FARP1: variants seen among roughly 807,000 people sequenced by gnomAD.
FARP1 encodes the protein FERM, ARH/RhoGEF and pleckstrin domain protein 1, also known as FERM, ARHGEF and pleckstrin domain-containing protein 1.
A neutral mutation model predicts 128.8 loss-of-function variants in FARP1; 52 were observed. That is an observed-to-expected ratio of 0.40 (90% CI 0.32 to 0.51). FARP1 has a LOEUF of 0.51. Ranked by LOEUF, FARP1 falls within the 20% of genes least tolerant of loss-of-function variation. FARP1 has a pLI of 0.45. For missense variants in FARP1, 1,333 were observed against 1,367.9 expected, an observed-to-expected ratio of 0.97 and a Z score of 0.40; for synonymous variants, 580 against 551.8, an observed-to-expected ratio of 1.05 and a Z score of -0.72.
In FARP1 at chr13:98,327,006, C is replaced by T. The variant is rs12872393; in HGVS notation, c.172-16756C>T. 6.8e-3 allele frequency among the ~76,000 whole-genome samples: 1,042 copies of T among 152,334 alleles called. 3 individuals carry two copies. Among genetic ancestry groups the T allele is most frequent in the Middle Eastern group, 0.017 (5 of 294 alleles). ...GCCAAATGCATTTAATGAGTACACG[C>T]AATTGGTAGAATACTGTCGCTCTGA... On this transcript the variant is annotated intron_variant, in intron 2 of 26. Coordinates refer to ENST00000319562, the MANE Select transcript of FARP1 (RefSeq NM_005766.4).
intron 3 of FARP1, among the ~76,000 whole-genome samples, chr13:98,353,425 C>T (rs1451495655): frequency 6.6e-6 from 1 of 152,192 alleles, no homozygotes; most frequent in Non-Finnish European, 1.5e-5. Flanking sequence ...GTTGCCCAGG[C>T]TGGAGTGGAA....
At chr13:98,156,204 ATTTGT>A (rs1454148087) in intron 1 of FARP1, among the ~76,000 whole-genome samples, 6 of 152,196 alleles carry the variant, frequency 3.9e-5, no homozygotes, top group Non-Finnish European at 7.3e-5. Flanking sequence ...GCCATTTGGA[ATTTGT>A]TTTGAGAATG....
At chr13:98,184,591 T>TA (rs1878737922) in intron 1 of FARP1, among the ~76,000 whole-genome samples, 1 of 152,150 alleles carries the variant, frequency 6.6e-6, no homozygotes, top group African/African-American at 2.4e-5. Context: ...GACTCTACAT[T>TA]AAAAAATATT....
rs180783969 is a variant in FARP1, at chr13:98,323,280, T to C, written c.172-20482T>C. ...AAATTTTAGATTTGTTGCCACAGTT[T>C]CATTAATATATTTAAGCAGGTGTGC... On this transcript the variant is annotated intron_variant, in intron 2 of 26. Transcript: ENST00000319562. 3.3e-3 allele frequency among the ~76,000 whole-genome samples: 499 copies of C among 152,272 alleles called. 5 individuals carry two copies. The South Asian group carries it at 0.033, about 10-fold the overall frequency.
At chr13:98,334,084 C>A (rs1887637171) in intron 2 of FARP1, 1 of 146,180 alleles carries the variant, frequency 6.8e-6, no homozygotes, top group African/African-American at 2.7e-5. Context: ...GTGGTTCAAT[C>A]TTTACGTCCA....
chr13:98,370,192 G>A (rs575356248), intron 5 of FARP1, among the ~76,000 whole-genome samples: 1 of 152,334 alleles, frequency 6.6e-6, no homozygotes, highest in East Asian at 1.9e-4. Flanking sequence ...CATTTACTGA[G>A]AGAGCTTTCT....
intron 5 of FARP1, among the ~76,000 whole-genome samples, chr13:98,369,593 C>T (rs993138184): frequency 2.6e-5 from 4 of 151,892 alleles, no homozygotes; most frequent in Non-Finnish European, 5.9e-5. Flanking sequence ...TCAGTTCACA[C>T]CTATGAGTGA....
At chr13:98,399,629 A>G (rs1374814786) in intron 13 of FARP1, 1 of 152,160 alleles carries the variant, frequency 6.6e-6, no homozygotes, top group Admixed American at 6.5e-5. Context: ...GACAATAGCT[A>G]GTGTAGGGGT....
At chr13:98,179,043 C>G (rs934725692) in intron 1 of FARP1, among the ~76,000 whole-genome samples, 2 of 152,108 alleles carry the variant, frequency 1.3e-5, no homozygotes, top group Non-Finnish European at 2.9e-5. Context: ...CTTGGAGACC[C>G]CCAGATGTTG....
At chr13:98,438,754 C>T in intron 19 of FARP1, 50 bp from the exon 20 acceptor site, 1 of 1,518,582 alleles carries the variant, frequency 6.6e-7, no homozygotes, top group South Asian at 1.1e-5. Context: ...GCCGTCAGCC[C>T]TTGGGGTCCG....
chr13:98,335,666 C>T (rs947181997), intron 2 of FARP1, among the ~76,000 whole-genome samples: 5 of 152,274 alleles, frequency 3.3e-5, no homozygotes, highest in South Asian at 2.1e-4. Context: ...GCAACTTGCT[C>T]GATAAATACA....
intron 1 of FARP1, among the ~76,000 whole-genome samples, chr13:98,196,807 G>A (rs935214985): frequency 1.7e-4 from 26 of 152,174 alleles, no homozygotes; most frequent in Non-Finnish European, 2.8e-4. Flanking sequence ...TTAATTAAAT[G>A]CCTTATCAAC....
chr13:98,291,528 G>C (rs1336462640), intron 2 of FARP1, among the ~76,000 whole-genome samples: 2 of 152,174 alleles, frequency 1.3e-5, no homozygotes, highest in African/African-American at 4.8e-5. Context: ...AAAATCATTC[G>C]TTCAGCAGAA....
chr13:98,280,706 A>G (rs1397849491), intron 2 of FARP1, among the ~76,000 whole-genome samples: 2 of 152,246 alleles, frequency 1.3e-5, no homozygotes. Context: ...AGAAAACTCA[A>G]CTGCCTGGAC....
chr13:98,341,646 A>AAAC lies in FARP1; in HGVS notation c.172-2101_172-2099dup, dbSNP rs532023650. ...AACTCCGTTTCAAAAAAACAAAAACAAACAACAACAACAACAAAAATAAGT... is the reference window on the plus strand; with the variant it reads ...AACTCCGTTTCAAAAAAACAAAAACAAACAACAACAACAACAACAAAAATAAGT... On this transcript the variant is annotated intron_variant, in intron 2 of 26. Coordinates refer to ENST00000319562, the MANE Select transcript of FARP1 (RefSeq NM_005766.4). Among the ~76,000 whole-genome samples, 171 of 152,264 alleles carry AAAC rather than the reference A, an allele frequency of 1.1e-3. 1 individual carries two copies. The highest frequency in any genetic ancestry group is 3.9e-3 in the African/African-American group (160 of 41,546).
intron 6 of FARP1, chr13:98,381,583 G>C (rs1889889304): frequency 6.6e-6 from 1 of 152,216 alleles, no homozygotes; most frequent in Non-Finnish European, 1.5e-5. Context: ...AGAAGAATCA[G>C]CTACTAGTTG....
Position 98,440,029 on chromosome 13 carries a change from C to T in FARP1, c.2502C>T (p.Ile834=), listed in dbSNP as rs751894019. Residue 834 remains isoleucine, a synonymous_variant, in exon 22 of 27, where the codon ATC becomes ATT. Coordinates refer to ENST00000319562, the MANE Select transcript of FARP1 (RefSeq NM_005766.4). ...CLTLRGQRQS[I]IVAASSRSEM... ...CCCTCCGGGGCCAGCGGCAGTCCAT[C>T]ATCGTGGCCGCCAGGTAACTCGGGA... 2.5e-6 allele frequency: 4 copies of T among 1,606,724 alleles called. No homozygotes were observed. The South Asian group carries it at 4.4e-5, about 18-fold the overall frequency.
intron 1 of FARP1, chr13:98,203,817 T>G (rs1880102329): frequency 1.3e-5 from 2 of 152,180 alleles, no homozygotes; most frequent in Admixed American, 1.3e-4. Context: ...ATGCCAAACT[T>G]ATGATTACAA....
intron 2 of FARP1, chr13:98,245,236 T>C (rs570063393): frequency 2.0e-6 from 2 of 985,476 alleles, no homozygotes; most frequent in Non-Finnish European, 2.4e-6. Context: ...GTGTAACTTT[T>C]TTATTCAAAG....
Sources: allele counts gnomAD v4.1 joint callset (sites outside exome capture counted in the v4.1 genomes callset), GRCh38; gene constraint gnomAD v4.1.1; transcripts MANE v1.5; gene names NCBI Gene and HGNC (gene_info 2026-07-23, HGNC 2026-07-21).